TMEM117: variants seen among roughly 807,000 people sequenced by gnomAD.
The protein encoded by TMEM117 is transmembrane protein 117.
A neutral mutation model predicts 52.4 loss-of-function variants in TMEM117; 27 were observed. That is an observed-to-expected ratio of 0.51 (90% CI 0.38 to 0.71). TMEM117 has a LOEUF of 0.71. Among genes scored for constraint, TMEM117 ranks in the 30% least tolerant of loss-of-function variants. The pLI, the probability that TMEM117 is intolerant of heterozygous loss-of-function variation, is 0.00. For synonymous variants in TMEM117, 215 were observed against 206.3 expected (o/e 1.04, Z -0.36); for missense variants, 556 against 630.5 (o/e 0.88, Z 1.26).
intron 2 of TMEM117, among the ~76,000 whole-genome samples, chr12:43,866,375 C>A (rs910849634): frequency 6.6e-6 from 1 of 150,498 alleles, no homozygotes; most frequent in Non-Finnish European, 1.5e-5. Flanking sequence ...GAGTTGGAGA[C>A]CATCCTGGGA....
At chr12:44,227,802 G>C (rs148328296) in intron 5 of TMEM117, among the ~76,000 whole-genome samples, 1 of 152,230 alleles carries the variant, frequency 6.6e-6, no homozygotes, top group Non-Finnish European at 1.5e-5. Flanking sequence ...CACTGTAGTT[G>C]TTTATTTCAC....
At chr12:44,052,403 G>T (rs73089748) in intron 3 of TMEM117, among the ~76,000 whole-genome samples, 14,522 of 152,118 alleles carry the variant, frequency 0.095, 1,106 homozygotes, top group African/African-American at 0.2. Flanking sequence ...AGAAAAGAAA[G>T]AACAAGGAGG....
chr12:44,200,116 C>T (rs908137922), intron 4 of TMEM117, among the ~76,000 whole-genome samples: 1 of 152,050 alleles, frequency 6.6e-6, no homozygotes, highest in Non-Finnish European at 1.5e-5. Context: ...GAGACTCCAT[C>T]TCAAAAAACA....
At chr12:43,978,417 T>C (rs1332438536) in intron 3 of TMEM117, among the ~76,000 whole-genome samples, 1 of 152,122 alleles carries the variant, frequency 6.6e-6, no homozygotes, top group Admixed American at 6.5e-5. Context: ...GGAAAAGGTC[T>C]CCAGGGCCAA....
chr12:43,986,834 C>T (rs934920641), intron 3 of TMEM117, among the ~76,000 whole-genome samples: 3 of 152,152 alleles, frequency 2.0e-5, no homozygotes, highest in Admixed American at 6.6e-5. Flanking sequence ...CACTAATTCT[C>T]TTTTCAGAAC....
intron 3 of TMEM117, among the ~76,000 whole-genome samples, chr12:44,037,559 T>C (rs1313940052): frequency 6.6e-6 from 1 of 152,160 alleles, no homozygotes; most frequent in Admixed American, 6.5e-5. Flanking sequence ...AGCCCCATCT[T>C]CAAACCAGGG....
At chr12:44,166,268 G>A (rs1948965771) in intron 4 of TMEM117, among the ~76,000 whole-genome samples, 2 of 152,196 alleles carry the variant, frequency 1.3e-5, no homozygotes, top group African/African-American at 4.8e-5. Context: ...CGTCAAAAAA[G>A]TATAAAGATT....
intron 4 of TMEM117, among the ~76,000 whole-genome samples, chr12:44,192,208 G>A (rs1467270445): frequency 6.6e-6 from 1 of 152,166 alleles, no homozygotes; most frequent in East Asian, 1.9e-4. Flanking sequence ...TTCTCCATCA[G>A]TGAGGTCTTC....
At chr12:44,048,822 G>A (rs1355779527) in intron 3 of TMEM117, among the ~76,000 whole-genome samples, 1 of 152,076 alleles carries the variant, frequency 6.6e-6, no homozygotes, top group Non-Finnish European at 1.5e-5. Flanking sequence ...AACACGTACT[G>A]GACAGAGTAT....
intron 2 of TMEM117, among the ~76,000 whole-genome samples, chr12:43,885,328 A>G (rs975183610): frequency 1.3e-5 from 2 of 152,108 alleles, no homozygotes; most frequent in Admixed American, 1.3e-4. Flanking sequence ...TGAGTGCTTC[A>G]AAGAGAATAG....
intron 2 of TMEM117, among the ~76,000 whole-genome samples, chr12:43,859,475 G>A (rs755280038): frequency 4.5e-4 from 67 of 150,032 alleles, no homozygotes; most frequent in Admixed American, 1.6e-3. Context: ...TTCTTGATTT[G>A]TAAATGTAAA....
chr12:43,961,855 A>G (rs939348089), intron 3 of TMEM117, among the ~76,000 whole-genome samples: 1 of 152,086 alleles, frequency 6.6e-6, no homozygotes, highest in Non-Finnish European at 1.5e-5. Flanking sequence ...TGGAAAATTG[A>G]TGTATATTGA....
At chr12:43,903,658 T>C (rs1292712025) in intron 2 of TMEM117, among the ~76,000 whole-genome samples, 2 of 152,180 alleles carry the variant, frequency 1.3e-5, no homozygotes, top group Non-Finnish European at 2.9e-5. Flanking sequence ...AAAGAAAATG[T>C]TAAAATGTTT....
At chr12:44,170,747 A>G (rs1949033780) in intron 4 of TMEM117, among the ~76,000 whole-genome samples, 1 of 152,104 alleles carries the variant, frequency 6.6e-6, no homozygotes, top group South Asian at 2.1e-4. Context: ...TTAATTATTA[A>G]ATTTTTAACT....
chr12:44,360,434 G>C (rs1951705405), intron 6 of TMEM117, among the ~76,000 whole-genome samples: 1 of 151,912 alleles, frequency 6.6e-6, no homozygotes, highest in South Asian at 2.1e-4. Context: ...AATTAGCCGG[G>C]TGTGGTGGTG....
chr12:43,942,904 C>T (rs1332619335), intron 2 of TMEM117, among the ~76,000 whole-genome samples: 2 of 151,814 alleles, frequency 1.3e-5, no homozygotes, highest in East Asian at 1.9e-4. Context: ...TTAGGATGGG[C>T]GTGGTGGCTC....
chr12:44,208,163 C>A (rs556703893), intron 4 of TMEM117, among the ~76,000 whole-genome samples: 1 of 152,130 alleles, frequency 6.6e-6, no homozygotes, highest in Non-Finnish European at 1.5e-5. Context: ...TTTTTACAAT[C>A]ATTTACTGAC....
chr12:43,869,240 C>G (rs574942481), intron 2 of TMEM117, among the ~76,000 whole-genome samples: 28 of 151,976 alleles, frequency 1.8e-4, no homozygotes, highest in Non-Finnish European at 3.2e-4. Flanking sequence ...AAATGGTTCC[C>G]TTTTTTTGTG....
chr12:44,212,620 G>A (rs1409083226), intron 5 of TMEM117, among the ~76,000 whole-genome samples: 1 of 152,092 alleles, frequency 6.6e-6, no homozygotes, highest in Admixed American at 6.5e-5. Flanking sequence ...GATATATAGG[G>A]TTTAATACTA....
Sources: gnomAD v4.1 joint callset for allele counts (sites outside exome capture counted in the v4.1 genomes callset) on GRCh38, gnomAD v4.1.1 for gene constraint, MANE v1.5 for transcripts, NCBI Gene and HGNC (gene_info 2026-07-23, HGNC 2026-07-21) for gene names.